The following TMEM38B variants were observed in gnomAD, a reference collection of about 807,000 sequenced individuals.
TMEM38B encodes trimeric intracellular cation channel type B.
Under a neutral mutation model 28.7 loss-of-function variants are expected in TMEM38B, and 24 were observed. That is an observed-to-expected ratio of 0.84 (90% CI 0.61 to 1.18). The LOEUF is 1.18. Ranked by LOEUF, TMEM38B falls within the 50% of genes most tolerant of loss-of-function variation. The probability of loss-of-function intolerance (pLI) is 0.00; values close to 1 mark genes in which losing one functional copy is unlikely to be tolerated. For synonymous variants in TMEM38B, 131 were observed against 127.7 expected (o/e 1.03, Z -0.17); for missense variants, 380 against 350.9 (o/e 1.08, Z -0.66).
chr9:105,694,938 C>T (rs1157281887), intron 1 of TMEM38B, among the ~76,000 whole-genome samples, 166 bp downstream of exon 1: 5 of 152,326 alleles, frequency 3.3e-5, no homozygotes, highest in African/African-American at 1.2e-4. Context: ...GTCTGACTTA[C>T]TGAGTGCAGA....
At chr9:105,747,410 A>G (rs1328054324) in intron 4 of TMEM38B, among the ~76,000 whole-genome samples, 5 of 151,950 alleles carry the variant, frequency 3.3e-5, no homozygotes, top group Non-Finnish European at 7.4e-5. Flanking sequence ...TTTCTGTGGG[A>G]TCGGTGGTGA....
At chr9:105,701,534 T>TA (rs1178366328) in intron 1 of TMEM38B, 1 of 152,224 alleles carries the variant, frequency 6.6e-6, no homozygotes, top group East Asian at 1.9e-4. Context: ...TTTGACCCCG[T>TA]AAAAATACTA....
intron 5 of TMEM38B, among the ~76,000 whole-genome samples, chr9:105,763,112 T>A (rs1337312508): frequency 6.6e-6 from 1 of 150,406 alleles, no homozygotes; most frequent in Non-Finnish European, 1.5e-5. Context: ...GTTGTTTGTT[T>A]TTTTCTTGTA....
At position 105,759,975 on chromosome 9, in the gene TMEM38B, C is replaced by T. The variant is rs750201697; in HGVS notation, c.660+11785C>T. ...TGCAAACAGCTATGCAAAGTGAACT[C>T]GGAGAGTCTAGTGCTGCAATCAATA... On this transcript the variant is annotated intron_variant, in intron 5 of 5. Transcript: ENST00000374692. 314 of 1,551,212 alleles carry T rather than the reference C, an allele frequency of 2.0e-4. 1 individual carries two copies. Among genetic ancestry groups the T allele is most frequent in the South Asian group, 1.7e-3 (148 of 88,334 alleles).
rs188887767 is a variant in TMEM38B at position 105,720,491 on chromosome 9, A to G, written c.270-1046A>G. Among the ~76,000 whole-genome samples the G allele has an allele frequency of 8.1e-4, 124 of 152,252 alleles. No homozygotes were observed. The Middle Eastern group carries it at 0.014, about 17-fold the overall frequency. On this transcript the variant is annotated intron_variant, in intron 2 of 5. Coordinates refer to ENST00000374692, the MANE Select transcript of TMEM38B (RefSeq NM_018112.3). ...AAGTCAATGACTATGGTAATATTTG[A>G]GTGGCACCTTGAAGAGTAGGAAGGA...
At chr9:105,695,147 G>T (rs781035469) in intron 1 of TMEM38B, among the ~76,000 whole-genome samples, 1 of 152,190 alleles carries the variant, frequency 6.6e-6, no homozygotes, top group Non-Finnish European at 1.5e-5. Flanking sequence ...CGGCCTCCTC[G>T]CGGTACCGCC....
chr9:105,711,830 A>T lies in TMEM38B; in HGVS notation c.269+6077A>T, dbSNP rs372786108. ...GTGAGACCCTGTCTCCAAAAAAAAA[A>T]AAAAAAGATAAGAAAAGAAATACAA... On this transcript the variant is annotated intron_variant, in intron 2 of 5. Transcript: ENST00000374692. 2.6e-5 allele frequency among the ~76,000 whole-genome samples: 4 copies of T among 151,992 alleles called. No homozygotes were observed. In the East Asian group the frequency reaches 7.7e-4, roughly 29 times the overall value.
At chr9:105,754,824 A>G (rs1051649891) in intron 5 of TMEM38B, among the ~76,000 whole-genome samples, 1 of 152,208 alleles carries the variant, frequency 6.6e-6, no homozygotes, top group East Asian at 1.9e-4. Flanking sequence ...AAAAAAATCA[A>G]CAAATCCATG....
chr9:105,764,589 A>G (rs1348026792), intron 5 of TMEM38B, among the ~76,000 whole-genome samples: 2 of 152,188 alleles, frequency 1.3e-5, no homozygotes, highest in East Asian at 3.9e-4. Flanking sequence ...AAGAGGATAC[A>G]AACAAATGGA....
At chr9:105,770,813 A>G (rs1425797668) in intron 5 of TMEM38B, among the ~76,000 whole-genome samples, 1 of 152,176 alleles carries the variant, frequency 6.6e-6, no homozygotes, top group Non-Finnish European at 1.5e-5. Flanking sequence ...AGGAAGAAGT[A>G]TGTTCTGGAT....
chr9:105,749,040 A>G (rs949503778), intron 5 of TMEM38B: 1 of 1,292,034 alleles, frequency 7.7e-7, no homozygotes, highest in African/African-American at 1.5e-5. Context: ...CTTAGAATGA[A>G]GTCACTGTGT....
At chr9:105,735,075 G>C (rs1234557056) in intron 4 of TMEM38B, among the ~76,000 whole-genome samples, 1 of 151,452 alleles carries the variant, frequency 6.6e-6, no homozygotes, top group Non-Finnish European at 1.5e-5. Flanking sequence ...TGTATTTTTT[G>C]TGTGGTTACC....
intron 5 of TMEM38B, among the ~76,000 whole-genome samples, chr9:105,753,401 A>C (rs1218680558): frequency 2.6e-5 from 4 of 152,140 alleles, no homozygotes; most frequent in Non-Finnish European, 5.9e-5. Flanking sequence ...AAAAAATGTT[A>C]AGGGCAGCCA....
Position 105,722,682 on chromosome 9 carries a change from T to A in TMEM38B, c.542+61T>A, listed in dbSNP as rs1836366185. On this transcript the variant is annotated intron_variant, in intron 4 of 5. Coordinates refer to ENST00000374692, the MANE Select transcript of TMEM38B (RefSeq NM_018112.3). Reference sequence around the variant, plus strand: ...TTATCCTTAGATCTTACCAAATTCCTTTTTAAGAACATTTTAGGGACTTTA... The same window carrying A: ...TTATCCTTAGATCTTACCAAATTCCATTTTAAGAACATTTTAGGGACTTTA... 2.9e-6 allele frequency: 4 copies of A among 1,395,040 alleles called. No homozygotes were observed. The Admixed American group carries it at 5.6e-5, about 19-fold the overall frequency. 86.4% of individuals were successfully genotyped at this position (1,395,040 alleles called of 1,614,324 possible).
rs768667541 is a variant in TMEM38B, at chr9:105,694,788, C to T, written c.112+16C>T. On this transcript the variant is annotated intron_variant, in intron 1 of 5. Transcript: ENST00000374692. ...CGTCAGCCGGGTGAGTGCGGGGCGCCGCGGGCCGGACCCCTCAGAGTGCTC... is the reference window on the plus strand; with the variant it reads ...CGTCAGCCGGGTGAGTGCGGGGCGCTGCGGGCCGGACCCCTCAGAGTGCTC... The T allele has an allele frequency of 3.7e-6, 5 of 1,349,430 alleles. No individual in the cohort carries two copies. Among genetic ancestry groups the T allele is most frequent in the Non-Finnish European group, 4.9e-6 (5 of 1,017,154 alleles). The allele number at this position is 1,349,430 out of a possible 1,614,324, so 83.6% of individuals were successfully genotyped here. A position where few individuals can be genotyped will look rare whatever the true frequency, so the allele number is the denominator to read the frequency against.
chr9:105,700,492 A>G, intron 1 of TMEM38B, among the ~76,000 whole-genome samples: 1 of 152,212 alleles, frequency 6.6e-6, no homozygotes, highest in East Asian at 1.9e-4. Context: ...TTATGGAGCT[A>G]GTTCTTGACT....
intron 2 of TMEM38B, chr9:105,710,706 A>G: frequency 1.5e-6 from 1 of 658,580 alleles, no homozygotes; most frequent in South Asian, 1.4e-5. Context: ...CACACCGTAA[A>G]TCTTCAGACC....
At chr9:105,759,974 T>A in intron 5 of TMEM38B, 1 of 1,552,194 alleles carries the variant, frequency 6.4e-7, no homozygotes, top group Non-Finnish European at 8.9e-7. Context: ...CAAAGTGAAC[T>A]CGGAGAGTCT....
At chr9:105,737,073 G>A (rs2133600556) in intron 4 of TMEM38B, among the ~76,000 whole-genome samples, 1 of 152,348 alleles carries the variant, frequency 6.6e-6, no homozygotes, top group East Asian at 1.9e-4. Flanking sequence ...TCACAGCAGT[G>A]CTGGGCTGCA....
Sources: gnomAD v4.1 joint callset for allele counts (sites outside exome capture counted in the v4.1 genomes callset) on GRCh38, gnomAD v4.1.1 for gene constraint, MANE v1.5 for transcripts, NCBI Gene and HGNC (gene_info 2026-07-23, HGNC 2026-07-21) for gene names.